The following NLGN1 variants were observed in gnomAD, a reference collection of about 807,000 sequenced individuals.
NLGN1 encodes the protein neuroligin 1, also known as neuroligin-1.
A neutral mutation model predicts 65.5 loss-of-function variants in NLGN1; 12 were observed. The ratio of observed to expected loss-of-function variants is 0.18; its 90% CI spans 0.12 to 0.30. NLGN1 has a LOEUF of 0.30. NLGN1 is among the 10% of genes least tolerant of loss of function. The pLI, the probability that NLGN1 is intolerant of heterozygous loss-of-function variation, is 1.00. For synonymous variants in NLGN1, 350 were observed against 359.5 expected (o/e 0.97, Z 0.30); for missense variants, 750 against 1,007.1 (o/e 0.74, Z 3.46).
At chr3:173,503,614 C>T (rs893962799) in intron 2 of NLGN1, among the ~76,000 whole-genome samples, 2 of 152,166 alleles carry the variant, frequency 1.3e-5, no homozygotes, top group Admixed American at 6.6e-5. Context: ...ATTTGGCCTA[C>T]TAAGCTGTTA....
At chr3:173,855,642 G>A (rs939685388) in intron 4 of NLGN1, among the ~76,000 whole-genome samples, 5 of 151,954 alleles carry the variant, frequency 3.3e-5, no homozygotes, top group African/African-American at 1.2e-4. Context: ...TGACCACAAC[G>A]GTTCAAAAAG....
At chr3:173,680,156 GTTTAT>G (rs985835063) in intron 3 of NLGN1, among the ~76,000 whole-genome samples, 3 of 152,122 alleles carry the variant, frequency 2.0e-5, no homozygotes, top group Non-Finnish European at 4.4e-5. Flanking sequence ...GGTTTTGAAA[GTTTAT>G]TTTGTTTTGT....
chr3:173,838,742 C>G (rs1168658768), intron 4 of NLGN1, among the ~76,000 whole-genome samples: 1 of 152,104 alleles, frequency 6.6e-6, no homozygotes, highest in Non-Finnish European at 1.5e-5. Flanking sequence ...CCAAGAACTT[C>G]TGAATTGCTT....
At chr3:174,107,863 T>G (rs1010058948) in intron 4 of NLGN1, among the ~76,000 whole-genome samples, 4 of 152,116 alleles carry the variant, frequency 2.6e-5, no homozygotes, top group African/African-American at 9.7e-5. Context: ...TGCTTTAATT[T>G]GCATTTTTCT....
chr3:173,507,611 T>C (rs74426872), intron 2 of NLGN1, among the ~76,000 whole-genome samples: 3,626 of 152,240 alleles, frequency 0.024, 55 homozygotes, highest in Middle Eastern at 0.048. Flanking sequence ...AATGTAGAAT[T>C]TTTTATATGT....
chr3:173,641,345 CT>C (rs1357292837), intron 3 of NLGN1, among the ~76,000 whole-genome samples: 1 of 152,088 alleles, frequency 6.6e-6, no homozygotes, highest in Non-Finnish European at 1.5e-5. Context: ...ATGGAATCTC[CT>C]TCTGTCGCCC....
rs1719531673 is a variant in NLGN1 at position 173,443,233 on chromosome 3, C to A, written c.-321+8155C>A. ...TAGCCTGGGTGATGGAGCAAGAAGA[C>A]CCTGTCTCCAAAAAAAAAGAAGTTT... On this transcript the variant is annotated intron_variant, in intron 2 of 6. Transcript: ENST00000457714. 2.0e-5 allele frequency among the ~76,000 whole-genome samples: 3 copies of A among 150,476 alleles called. No homozygotes were observed. The South Asian group carries it at 6.3e-4, about 31-fold the overall frequency.
chr3:173,654,965 C>T (rs1489711141), intron 3 of NLGN1, among the ~76,000 whole-genome samples: 1 of 152,132 alleles, frequency 6.6e-6, no homozygotes, highest in East Asian at 1.9e-4. Flanking sequence ...AAGCCAGACT[C>T]CTTGGTTTCA....
chr3:173,909,881 T>C (rs1739235739), intron 4 of NLGN1, among the ~76,000 whole-genome samples: 1 of 152,144 alleles, frequency 6.6e-6, no homozygotes, highest in Non-Finnish European at 1.5e-5. Context: ...TTTCTCCACG[T>C]TGGTCAGGCT....
chr3:174,161,695 A>G (rs1223711110), intron 4 of NLGN1, among the ~76,000 whole-genome samples: 1 of 151,926 alleles, frequency 6.6e-6, no homozygotes, highest in Non-Finnish European at 1.5e-5. Flanking sequence ...GTAGCAAGTG[A>G]TACAATCATG....
chr3:173,844,800 T>C (rs928087202), intron 4 of NLGN1, among the ~76,000 whole-genome samples: 5 of 152,240 alleles, frequency 3.3e-5, no homozygotes, highest in African/African-American at 1.2e-4. Context: ...TGACAAATTT[T>C]ATTGAGCCTG....
At chr3:173,540,038 C>T (rs1440135093) in intron 2 of NLGN1, among the ~76,000 whole-genome samples, 2 of 151,640 alleles carry the variant, frequency 1.3e-5, no homozygotes, top group African/African-American at 4.9e-5. Context: ...GCTCAGACCA[C>T]TTGGTAATTT....
intron 3 of NLGN1, among the ~76,000 whole-genome samples, chr3:173,717,996 A>G (rs906431727): frequency 2.0e-5 from 3 of 152,160 alleles, no homozygotes; most frequent in African/African-American, 7.2e-5. Flanking sequence ...ACTTCACTCT[A>G]CATATTTTTT....
intron 4 of NLGN1, among the ~76,000 whole-genome samples, chr3:173,955,624 G>A (rs923232910): frequency 2.0e-5 from 3 of 152,134 alleles, no homozygotes; most frequent in Admixed American, 1.3e-4. Context: ...GGCATAATCA[G>A]TTTTGACTGA....
At chr3:174,236,552 T>C (rs1246780201) in intron 4 of NLGN1, among the ~76,000 whole-genome samples, 1 of 152,110 alleles carries the variant, frequency 6.6e-6, no homozygotes, top group African/African-American at 2.4e-5. Context: ...AGTTGTTTTA[T>C]ATTGTCTTTC....
intron 2 of NLGN1, among the ~76,000 whole-genome samples, chr3:173,563,991 T>C (rs1382316657): frequency 6.6e-6 from 1 of 152,184 alleles, no homozygotes; most frequent in Non-Finnish European, 1.5e-5. Context: ...ATAGCCAAAA[T>C]CCCTACAAAG....
chr3:173,936,992 G>A (rs1745186598), intron 4 of NLGN1, among the ~76,000 whole-genome samples: 1 of 151,932 alleles, frequency 6.6e-6, no homozygotes, highest in Non-Finnish European at 1.5e-5. Flanking sequence ...TGAACACAGG[G>A]ATATATGTAT....
At chr3:173,892,574 C>T (rs201993145) in intron 4 of NLGN1, among the ~76,000 whole-genome samples, 5 of 81,780 alleles carry the variant, frequency 6.1e-5, no homozygotes, top group Non-Finnish European at 1.1e-4. Context: ...AGAAGGCAAA[C>T]TAAAAAAAAA....
At chr3:174,212,138 G>C (rs993712322) in intron 4 of NLGN1, among the ~76,000 whole-genome samples, 1 of 152,196 alleles carries the variant, frequency 6.6e-6, no homozygotes, top group African/African-American at 2.4e-5. Context: ...GCTAAGGCCC[G>C]GTGAGAAATG....
Sources: gnomAD v4.1 joint callset for allele counts (sites outside exome capture counted in the v4.1 genomes callset) on GRCh38, gnomAD v4.1.1 for gene constraint, MANE v1.5 for transcripts, NCBI Gene and HGNC (gene_info 2026-07-23, HGNC 2026-07-21) for gene names.